The following FHIT variants were observed in gnomAD, a reference collection of about 807,000 sequenced individuals.
The protein encoded by FHIT is fragile histidine triad diadenosine triphosphatase.
Under a neutral mutation model 17.9 loss-of-function variants are expected in FHIT, and 19 were observed. The observed-to-expected ratio is 1.06, with a 90% confidence interval of 0.74 to 1.56. The LOEUF (loss-of-function observed/expected upper bound fraction) is 1.56. Ranked by LOEUF, FHIT falls within the 40% of genes most tolerant of loss-of-function variation. The pLI is 0.00. For missense variants in FHIT, 248 were observed against 189.2 expected (o/e 1.31, Z -1.82); for synonymous variants, 81 against 69.7 (o/e 1.16, Z -0.81).
At chr3:61,194,563 C>A (rs189175572) in intron 2 of FHIT, among the ~76,000 whole-genome samples, 4 of 152,144 alleles carry the variant, frequency 2.6e-5, no homozygotes, top group Non-Finnish European at 5.9e-5. Flanking sequence ...AAAGGCAATA[C>A]CAAACGGCTT....
intron 4 of FHIT, among the ~76,000 whole-genome samples, chr3:60,626,549 G>A (rs2039292361): frequency 1.3e-5 from 2 of 151,982 alleles, no homozygotes. Flanking sequence ...TGTGTATATT[G>A]TTCTTGTATC....
chr3:60,131,012 T>TATATACACATATATACAC (rs1357292692), intron 5 of FHIT, among the ~76,000 whole-genome samples: 37 of 129,316 alleles, frequency 2.9e-4, no homozygotes, highest in Non-Finnish European at 4.3e-4. Flanking sequence ...CATATGTGTA[T>TATATACACATATATACAC]ATATACACAT....
At chr3:60,759,911 T>C (rs564628164) in intron 4 of FHIT, among the ~76,000 whole-genome samples, 4 of 152,168 alleles carry the variant, frequency 2.6e-5, no homozygotes, top group East Asian at 1.9e-4. Flanking sequence ...CTTCTTTCTT[T>C]TTTTCTTTTC....
intron 8 of FHIT, among the ~76,000 whole-genome samples, chr3:59,760,563 A>AC (rs1239117579): frequency 2.1e-5 from 3 of 141,174 alleles, no homozygotes; most frequent in African/African-American, 7.9e-5. Context: ...TGCCATCAAA[A>AC]AAAAAAAAAA....
intron 7 of FHIT, among the ~76,000 whole-genome samples, chr3:59,974,303 C>T (rs1028638018): frequency 1.3e-5 from 2 of 152,146 alleles, no homozygotes; most frequent in African/African-American, 2.4e-5. Flanking sequence ...TCACTTCGTA[C>T]AGTAAGTCCA....
intron 5 of FHIT, among the ~76,000 whole-genome samples, chr3:60,177,810 T>C (rs755723202): frequency 3.9e-5 from 6 of 152,212 alleles, no homozygotes; most frequent in Non-Finnish European, 7.3e-5. Context: ...GGATTCCCAC[T>C]AAAATACTGT....
At chr3:60,344,625 C>A (rs11708562) in intron 5 of FHIT, among the ~76,000 whole-genome samples, 22,374 of 152,160 alleles carry the variant, frequency 0.15, 1,729 homozygotes, top group Non-Finnish European at 0.16. Context: ...TAAATAGCTA[C>A]AGGCTGTATT....
At chr3:60,461,084 T>TTAATACTCC (rs1022201816) in intron 5 of FHIT, among the ~76,000 whole-genome samples, 2 of 152,160 alleles carry the variant, frequency 1.3e-5, no homozygotes, top group African/African-American at 4.8e-5. Flanking sequence ...AAAAATACTC[T>TTAATACTCC]TCCCATTTCA....
At chr3:60,830,138 G>T (rs1702281339) in intron 3 of FHIT, among the ~76,000 whole-genome samples, 1 of 151,990 alleles carries the variant, frequency 6.6e-6, no homozygotes, top group Non-Finnish European at 1.5e-5. Context: ...TGATCTCAAA[G>T]CCACCTCTTT....
chr3:60,398,806 C>T (rs1194530032), intron 5 of FHIT, among the ~76,000 whole-genome samples: 1 of 151,862 alleles, frequency 6.6e-6, no homozygotes, highest in African/African-American at 2.4e-5. Context: ...AATATATATA[C>T]CACATAGGTG....
At chr3:59,933,108 G>T (rs911065255) in intron 7 of FHIT, among the ~76,000 whole-genome samples, 1 of 152,102 alleles carries the variant, frequency 6.6e-6, no homozygotes, top group Non-Finnish European at 1.5e-5. Context: ...CAAAGACATG[G>T]AAATAAATGC....
Position 60,461,986 on chromosome 3 carries a change from C to T in FHIT, c.103+74874G>A, listed in dbSNP as rs17063200. Among the ~76,000 whole-genome samples the T allele has an allele frequency of 9.5e-3, 1,447 of 152,280 alleles. 14 individuals carry two copies. The highest frequency in any genetic ancestry group is 0.038 in the East Asian group (195 of 5,176). On this transcript the variant is annotated intron_variant, in intron 5 of 9. Coordinates refer to ENST00000492590, the MANE Select transcript of FHIT (RefSeq NM_002012.4). ...AATCTGTAAATCCTATGACAGACTA[C>T]CGGTTGAAACCGAGGTTGAAGTCTT...
At chr3:60,782,768 TTAAG>T (rs1700436512) in intron 4 of FHIT, among the ~76,000 whole-genome samples, 1 of 152,144 alleles carries the variant, frequency 6.6e-6, no homozygotes, top group African/African-American at 2.4e-5. Context: ...TGCCAGTAGA[TTAAG>T]TGTCTGGTGA....
At chr3:59,931,895 C>T (rs1705990722) in intron 7 of FHIT, among the ~76,000 whole-genome samples, 2 of 151,890 alleles carry the variant, frequency 1.3e-5, no homozygotes, top group African/African-American at 4.8e-5. Context: ...TGCTCCAAGC[C>T]ACAATGAGAG....
intron 8 of FHIT, among the ~76,000 whole-genome samples, chr3:59,919,327 G>C (rs1224308001): frequency 6.6e-6 from 1 of 152,102 alleles, no homozygotes; most frequent in Non-Finnish European, 1.5e-5. Context: ...ACTTTGACCC[G>C]TTATTATGGA....
chr3:60,796,111 A>G (rs1700972660), intron 4 of FHIT, among the ~76,000 whole-genome samples: 1 of 152,130 alleles, frequency 6.6e-6, no homozygotes, highest in Admixed American at 6.5e-5. Flanking sequence ...ATTCACTATC[A>G]TGAGAATAGC....
At chr3:60,139,499 C>G (rs933177299) in intron 5 of FHIT, among the ~76,000 whole-genome samples, 1 of 152,306 alleles carries the variant, frequency 6.6e-6, no homozygotes, top group East Asian at 1.9e-4. Flanking sequence ...AGCTTAGAAG[C>G]TTTCTCAGCC....
rs1279798031 is a variant in FHIT at position 59,748,752 on chromosome 3, C to G, written c.*833G>C. ...CCTTTAGGGTGGGACTGCCTGGATT[C>G]AAATCTGAGCTTTGCCACTTACCGT... On this transcript the variant is annotated 3_prime_UTR_variant, in exon 10 of 10. Coordinates refer to ENST00000492590, the MANE Select transcript of FHIT (RefSeq NM_002012.4). Among the ~76,000 whole-genome samples the G allele has an allele frequency of 6.6e-6, 1 of 152,032 alleles. No homozygotes were observed. The highest frequency in any genetic ancestry group is 1.5e-5 in the Non-Finnish European group (1 of 67,984).
chr3:59,776,543 A>C (rs1208213475), intron 8 of FHIT, among the ~76,000 whole-genome samples: 3 of 152,194 alleles, frequency 2.0e-5, no homozygotes, highest in Non-Finnish European at 4.4e-5. Context: ...TCCAGGAAAC[A>C]GCAGGGAAAG....
Sources: allele counts gnomAD v4.1 joint callset (sites outside exome capture counted in the v4.1 genomes callset), GRCh38; gene constraint gnomAD v4.1.1; transcripts MANE v1.5; gene names NCBI Gene and HGNC (gene_info 2026-07-23, HGNC 2026-07-21).